MCU: variants seen among roughly 807,000 people sequenced by gnomAD.
The protein encoded by MCU is mitochondrial calcium uniporter, also known as calcium uniporter protein, mitochondrial.
A neutral mutation model predicts 45.2 loss-of-function variants in MCU; 12 were observed. That is an observed-to-expected ratio of 0.27 (90% CI 0.17 to 0.43). MCU has a LOEUF of 0.43. Among genes scored for constraint, MCU ranks in the 20% least tolerant of loss-of-function variants. The probability of loss-of-function intolerance (pLI) is 1.00; values close to 1 mark genes in which losing one functional copy is unlikely to be tolerated. For missense variants in MCU, 324 were observed against 436.7 expected, an observed-to-expected ratio of 0.74 and a Z score of 2.30; for synonymous variants, 160 against 165.1, an observed-to-expected ratio of 0.97 and a Z score of 0.24.
At chr10:72,694,120 TA>T in intron 1 of MCU, among the ~76,000 whole-genome samples, 1 of 152,232 alleles carries the variant, frequency 6.6e-6, no homozygotes, top group Non-Finnish European at 1.5e-5. Context: ...GTGTTATTTC[TA>T]AAGGGCAGGA....
At chr10:72,863,869 G>T (rs1456526360) in intron 4 of MCU, among the ~76,000 whole-genome samples, 1 of 152,068 alleles carries the variant, frequency 6.6e-6, no homozygotes, top group Non-Finnish European at 1.5e-5. Flanking sequence ...ACCCACCTTG[G>T]CCTCCCAAAG....
At chr10:72,763,479 G>C (rs1197557332) in intron 1 of MCU, among the ~76,000 whole-genome samples, 1 of 151,726 alleles carries the variant, frequency 6.6e-6, no homozygotes, top group Non-Finnish European at 1.5e-5. Flanking sequence ...TATATATAGA[G>C]GTGTGAAAAA....
At chr10:72,725,524 TG>T (rs34935886) in intron 1 of MCU, among the ~76,000 whole-genome samples, 152,199 of 152,202 alleles carry the variant, frequency 1, 76,098 homozygotes, top group Non-Finnish European at 1. Flanking sequence ...TCCTCCCACC[TG>T]GGGCCTCCCA....
intron 1 of MCU, among the ~76,000 whole-genome samples, chr10:72,807,439 A>G (rs896220952): frequency 6.6e-6 from 1 of 151,886 alleles, no homozygotes; most frequent in African/African-American, 2.4e-5. Context: ...CTAAGCCAAG[A>G]AGACTAATGA....
intron 1 of MCU, among the ~76,000 whole-genome samples, chr10:72,745,337 T>C (rs1461927735): frequency 6.6e-6 from 1 of 152,158 alleles, no homozygotes; most frequent in African/African-American, 2.4e-5. Context: ...CAAGCTATTA[T>C]CGTGGCTCAG....
At chr10:72,794,380 A>G (rs921996385) in intron 1 of MCU, among the ~76,000 whole-genome samples, 1 of 152,142 alleles carries the variant, frequency 6.6e-6, no homozygotes, top group Admixed American at 6.5e-5. Context: ...ACATGGTGCT[A>G]TTTCCTTGAT....
At chr10:72,820,118 C>A (rs1361853811) in intron 1 of MCU, among the ~76,000 whole-genome samples, 21 of 152,088 alleles carry the variant, frequency 1.4e-4, no homozygotes. Flanking sequence ...ACAAAATATC[C>A]GTTTACATTT....
chr10:72,872,626 T>C (rs549788410), intron 6 of MCU, among the ~76,000 whole-genome samples: 1 of 152,360 alleles, frequency 6.6e-6, no homozygotes, highest in African/African-American at 2.4e-5. Flanking sequence ...TAATATTCCA[T>C]TGTGTATATG....
chr10:72,779,643 AAGG>A (rs1304840601), intron 1 of MCU, among the ~76,000 whole-genome samples: 1 of 152,228 alleles, frequency 6.6e-6, no homozygotes, highest in Non-Finnish European at 1.5e-5. Context: ...ACATTTCTAT[AAGG>A]AGATGTATAA....
At chr10:72,747,819 T>C (rs1843435943) in intron 1 of MCU, among the ~76,000 whole-genome samples, 1 of 152,056 alleles carries the variant, frequency 6.6e-6, no homozygotes, top group Non-Finnish European at 1.5e-5. Context: ...AACGAGATCC[T>C]GTCTCAGAAA....
intron 1 of MCU, among the ~76,000 whole-genome samples, chr10:72,772,969 G>T (rs948594731): frequency 6.6e-6 from 1 of 152,136 alleles, no homozygotes; most frequent in Admixed American, 6.5e-5. Context: ...CACGACCGTG[G>T]CTCACTGTAG....
chr10:72,712,731 A>T, intron 1 of MCU, among the ~76,000 whole-genome samples: 1 of 152,336 alleles, frequency 6.6e-6, no homozygotes, highest in Middle Eastern at 3.4e-3. Context: ...AATTCTGTAC[A>T]TATTAGTCAA....
intron 1 of MCU, among the ~76,000 whole-genome samples, chr10:72,769,608 C>T (rs1309546048): frequency 1.3e-5 from 2 of 151,964 alleles, no homozygotes; most frequent in African/African-American, 2.4e-5. Flanking sequence ...TTTTAACAGC[C>T]TTATAAAATG....
At chr10:72,831,232 G>T (rs1202682057) in intron 1 of MCU, among the ~76,000 whole-genome samples, 1 of 152,202 alleles carries the variant, frequency 6.6e-6, no homozygotes, top group Non-Finnish European at 1.5e-5. Context: ...CCTGTCAAAA[G>T]ATGTCATTTG....
intron 6 of MCU, among the ~76,000 whole-genome samples, chr10:72,875,366 C>G (rs1194325003): frequency 6.6e-6 from 1 of 152,192 alleles, no homozygotes; most frequent in Non-Finnish European, 1.5e-5. Context: ...TCTCCCTTCT[C>G]GTCATGCTGT....
chr10:72,815,013 A>G (rs1177925364), intron 1 of MCU, among the ~76,000 whole-genome samples: 1 of 152,244 alleles, frequency 6.6e-6, no homozygotes, highest in Non-Finnish European at 1.5e-5. Flanking sequence ...AGACATGGCT[A>G]AGAGGCTTGA....
chr10:72,692,150 A>G lies in MCU; in HGVS notation c.-2A>G, dbSNP rs766761602. The stretch of plus-strand genomic sequence containing the variant: ...TGGGTCGGCGCCGTTTCCAGTTGAG[A>G]GATGGCGGCCGCCGCAGGTAGATCG... On this transcript the variant is annotated 5_prime_UTR_variant, in exon 1 of 8. Transcript: ENST00000373053. The G allele has an allele frequency of 3.1e-6, 4 of 1,291,828 alleles. No individual in the cohort carries two copies. The highest frequency in any genetic ancestry group is 3.9e-6 in the Non-Finnish European group (4 of 1,012,806). 80.0% of individuals were successfully genotyped at this position (1,291,828 alleles called of 1,614,324 possible).
At chr10:72,708,108 G>T (rs1334400467) in intron 1 of MCU, among the ~76,000 whole-genome samples, 1 of 152,144 alleles carries the variant, frequency 6.6e-6, no homozygotes, top group Non-Finnish European at 1.5e-5. Context: ...TCTCACAAGG[G>T]CCAAGAGCTT....
chr10:72,794,602 T>A (rs1444576532), intron 1 of MCU, among the ~76,000 whole-genome samples: 2 of 152,218 alleles, frequency 1.3e-5, no homozygotes, highest in African/African-American at 4.8e-5. Flanking sequence ...TCCCTTTCAG[T>A]CCAAGCTGAT....
Sources: allele counts gnomAD v4.1 joint callset (sites outside exome capture counted in the v4.1 genomes callset), GRCh38; gene constraint gnomAD v4.1.1; transcripts MANE v1.5; gene names NCBI Gene and HGNC (gene_info 2026-07-23, HGNC 2026-07-21).